The following LYPLAL1 variants were observed in gnomAD, a reference collection of about 807,000 sequenced individuals.
LYPLAL1 encodes lysophospholipase-like protein 1.
A neutral mutation model predicts 19.7 loss-of-function variants in LYPLAL1; 23 were observed. The observed-to-expected ratio is 1.17, with a 90% CI of 0.84 to 1.65. LYPLAL1 has a LOEUF of 1.65. LYPLAL1 is among the 40% of genes most tolerant of loss of function. The pLI is 0.00. For missense variants in LYPLAL1, 355 were observed against 279.4 expected, an observed-to-expected ratio of 1.27 and a Z score of -1.93; for synonymous variants, 119 against 96.3, an observed-to-expected ratio of 1.24 and a Z score of -1.38.
At chr1:219,255,686 G>T in the LYPLAL1 span, among the ~76,000 whole-genome samples, 3 of 151,882 alleles carry the variant, frequency 2.0e-5, no homozygotes, top group African/African-American at 7.2e-5. Context: ...ACATCAAGAC[G>T]AAATCTTTTA....
At chr1:219,220,058 T>C in the LYPLAL1 span, among the ~76,000 whole-genome samples, 37 of 152,194 alleles carry the variant, frequency 2.4e-4, no homozygotes, top group East Asian at 5.4e-3. Context: ...AATTGTTGCT[T>C]TCCCTATAAT....
chr1:219,407,386 T>G, the LYPLAL1 span, among the ~76,000 whole-genome samples: 1 of 152,132 alleles, frequency 6.6e-6, no homozygotes, highest in East Asian at 1.9e-4. Context: ...GAAGTTAAAA[T>G]AAAATTAGAG....
chr1:219,387,939 T>G, the LYPLAL1 span, among the ~76,000 whole-genome samples: 1 of 152,184 alleles, frequency 6.6e-6, no homozygotes, highest in Non-Finnish European at 1.5e-5. Flanking sequence ...AGGTGATGCT[T>G]GCTATTTCTG....
At chr1:219,179,316 G>T (rs1448291486) in intron 2 of LYPLAL1, 70 bp downstream of exon 2, 4 of 1,082,630 alleles carry the variant, frequency 3.7e-6, no homozygotes, top group Non-Finnish European at 5.5e-6. Flanking sequence ...AGATGTGCCA[G>T]CTAGGTGTTC....
the LYPLAL1 span, among the ~76,000 whole-genome samples, chr1:219,362,791 G>C: frequency 1.3e-5 from 2 of 152,048 alleles, no homozygotes; most frequent in African/African-American, 4.8e-5. Flanking sequence ...ATTTTAGTAA[G>C]AGGAGTAACA....
the LYPLAL1 span, among the ~76,000 whole-genome samples, chr1:219,378,127 G>A: frequency 6.6e-6 from 1 of 152,202 alleles, no homozygotes; most frequent in Non-Finnish European, 1.5e-5. Flanking sequence ...CAGTTCTCAA[G>A]AAAAGTGTTA....
chr1:219,425,170 G>A, the LYPLAL1 span, among the ~76,000 whole-genome samples: 2 of 152,186 alleles, frequency 1.3e-5, no homozygotes, highest in East Asian at 3.9e-4. Context: ...GGGTGCAAGG[G>A]GCAAGGGGCT....
At chr1:219,328,486 A>C in the LYPLAL1 span, among the ~76,000 whole-genome samples, 53 of 152,220 alleles carry the variant, frequency 3.5e-4, no homozygotes, top group African/African-American at 1.3e-3. Context: ...AAGAATTGTC[A>C]ATTTCTTTTC....
At chr1:219,253,907 G>A in the LYPLAL1 span, among the ~76,000 whole-genome samples, 1 of 152,064 alleles carries the variant, frequency 6.6e-6, no homozygotes, top group South Asian at 2.1e-4. Flanking sequence ...TTGTGTGGTT[G>A]TTTATGTTGC....
chr1:219,358,101 A>G, the LYPLAL1 span, among the ~76,000 whole-genome samples: 1 of 152,208 alleles, frequency 6.6e-6, no homozygotes, highest in Non-Finnish European at 1.5e-5. Flanking sequence ...TGCTATTGAC[A>G]AAACTCATGA....
At chr1:219,292,676 A>G in the LYPLAL1 span, among the ~76,000 whole-genome samples, 1 of 152,288 alleles carries the variant, frequency 6.6e-6, no homozygotes, top group South Asian at 2.1e-4. Flanking sequence ...TAGGATATTC[A>G]CTGAACACTT....
At chr1:219,323,663 C>T in the LYPLAL1 span, among the ~76,000 whole-genome samples, 1 of 152,062 alleles carries the variant, frequency 6.6e-6, no homozygotes, top group African/African-American at 2.4e-5. Context: ...ATAGAGCTGG[C>T]ATTTGTTCAA....
At chr1:219,391,682 A>G in the LYPLAL1 span, among the ~76,000 whole-genome samples, 1 of 152,170 alleles carries the variant, frequency 6.6e-6, no homozygotes, top group Non-Finnish European at 1.5e-5. Context: ...TCAGCACAAT[A>G]GGAACTGATA....
chr1:219,286,932 G>T, the LYPLAL1 span, among the ~76,000 whole-genome samples: 10 of 152,108 alleles, frequency 6.6e-5, no homozygotes, highest in Non-Finnish European at 1.5e-5. Context: ...GAAAAAATCT[G>T]CATGGAATTG....
chr1:219,236,053 GATT>G, the LYPLAL1 span, among the ~76,000 whole-genome samples: 1 of 152,160 alleles, frequency 6.6e-6, no homozygotes, highest in Non-Finnish European at 1.5e-5. Flanking sequence ...AATGAAACTT[GATT>G]TCTAGCCAAA....
At chr1:219,432,571 C>A in the LYPLAL1 span, among the ~76,000 whole-genome samples, 1 of 152,082 alleles carries the variant, frequency 6.6e-6, no homozygotes, top group African/African-American at 2.4e-5. Flanking sequence ...CCAAGCAACC[C>A]ATTCATCTCC....
At chr1:219,300,824 C>T in the LYPLAL1 span, among the ~76,000 whole-genome samples, 3 of 151,950 alleles carry the variant, frequency 2.0e-5, no homozygotes, top group African/African-American at 4.8e-5. Flanking sequence ...AGTGAGCCAC[C>T]GTGCCCGGCC....
In LYPLAL1 at chr1:219,205,373, A is replaced by AC. The variant is rs887545978; in HGVS notation, c.362-5159_362-5158insC. Among the ~76,000 whole-genome samples, 49 of 151,474 alleles carry AC rather than the reference A, an allele frequency of 3.2e-4. No homozygotes were observed. In the South Asian group the frequency reaches 6.9e-3, roughly 21 times the overall value. On this transcript the variant is annotated intron_variant, in intron 3 of 4. Transcript: ENST00000366928. ...AGCGAGACTCCGTCTCAAAAAAAAA[A>AC]AAAAACAAAAAAAACAAAAGCACTC...
chr1:219,324,479 C>A, the LYPLAL1 span, among the ~76,000 whole-genome samples: 1 of 152,148 alleles, frequency 6.6e-6, no homozygotes, highest in Non-Finnish European at 1.5e-5. Context: ...CTCTCTTATC[C>A]CTTCCCCCTC....
Sources: allele counts gnomAD v4.1 joint callset (sites outside exome capture counted in the v4.1 genomes callset), GRCh38; gene constraint gnomAD v4.1.1; transcripts MANE v1.5; gene names NCBI Gene and HGNC (gene_info 2026-07-23, HGNC 2026-07-21).